FAT3: variants seen among roughly 807,000 people sequenced by gnomAD.
The protein encoded by FAT3 is FAT atypical cadherin 3, also known as protocadherin Fat 3.
Under a neutral mutation model 310.2 loss-of-function variants are expected in FAT3, and 95 were observed. The ratio of observed to expected loss-of-function variants is 0.31; its 90% CI spans 0.26 to 0.36. The LOEUF is 0.36. FAT3 is among the 10% of genes least tolerant of loss of function. FAT3 has a pLI of 1.00. For missense variants in FAT3, 5,408 were observed against 5,715.6 expected (o/e 0.95, Z 1.74); for synonymous variants, 2,314 against 2,192.9 (o/e 1.06, Z -1.54).
At chr11:92,872,846 T>C (rs1949423857) in intron 22 of FAT3, among the ~76,000 whole-genome samples, 2 of 152,242 alleles carry the variant, frequency 1.3e-5, no homozygotes, top group African/African-American at 4.8e-5. Context: ...TCGGAATGAC[T>C]GAAAGTTGAA....
chr11:92,789,796 T>C (rs1012767460), intron 7 of FAT3, 147 bp from the exon 8 acceptor site: 2 of 716,154 alleles, frequency 2.8e-6, no homozygotes, highest in Non-Finnish European at 4.6e-6. Flanking sequence ...AGAATGTTTT[T>C]ATTAGTGAGT....
At chr11:92,631,371 T>C (rs554345) in intron 3 of FAT3, among the ~76,000 whole-genome samples, 87,062 of 151,954 alleles carry the variant, frequency 0.57, 26,699 homozygotes, top group African/African-American at 0.8. Flanking sequence ...GGTTTGGCTG[T>C]GTGTTCCCAC....
At chr11:92,781,116 C>T (rs1396043832) in intron 7 of FAT3, among the ~76,000 whole-genome samples, 3 of 145,632 alleles carry the variant, frequency 2.1e-5, no homozygotes, top group African/African-American at 7.8e-5. Context: ...ACTCTGTCGC[C>T]CAGGCTGGAG....
chr11:92,504,452 A>C (rs1953040618), intron 2 of FAT3, among the ~76,000 whole-genome samples: 2 of 152,146 alleles, frequency 1.3e-5, no homozygotes, highest in Non-Finnish European at 2.9e-5. Flanking sequence ...ACTATTACTT[A>C]GGGGTTTAAT....
At position 92,355,909 on chromosome 11, in the gene FAT3, G is replaced by A. The variant is rs181022661; in HGVS notation, c.3292+505G>A. Among the ~76,000 whole-genome samples the A allele has an allele frequency of 2.1e-3, 315 of 152,190 alleles. 3 individuals are homozygous for A. Among genetic ancestry groups the A allele is most frequent in the African/African-American group, 7.3e-3 (305 of 41,526 alleles). On this transcript the variant is annotated intron_variant, in intron 2 of 27. Coordinates refer to ENST00000525166, the MANE Select transcript of FAT3 (RefSeq NM_001367949.2). ...TGGGTTCATCTGGTCCTTGAATGAT[G>A]GGCATTTGCACTCTGTAGCTCCATT...
rs138675971 is a variant in FAT3, at chr11:92,785,822, C to A, written c.4336-4121C>A. On this transcript the variant is annotated intron_variant, in intron 7 of 27. Coordinates refer to ENST00000525166, the MANE Select transcript of FAT3 (RefSeq NM_001367949.2). The stretch of plus-strand genomic sequence containing the variant: ...TGCAATTAAAAATACTATCCAGTTT[C>A]TATCAGGTGCTATACAGGTTTATTT... Among the ~76,000 whole-genome samples the A allele has an allele frequency of 9.5e-3, 1,441 of 152,194 alleles. 11 individuals carry two copies. The highest frequency in any genetic ancestry group is 0.015 in the Non-Finnish European group (1,050 of 67,976).
chr11:92,448,378 G>T (rs965028412), intron 2 of FAT3, among the ~76,000 whole-genome samples: 1 of 151,982 alleles, frequency 6.6e-6, no homozygotes, highest in African/African-American at 2.4e-5. Context: ...GGTTTTCTGG[G>T]TGCAGACAAA....
At chr11:92,610,851 AT>A (rs1017062842) in intron 3 of FAT3, among the ~76,000 whole-genome samples, 2 of 152,164 alleles carry the variant, frequency 1.3e-5, no homozygotes, top group African/African-American at 4.8e-5. Context: ...GGAAGGGATG[AT>A]TGAGTGCATA....
intron 13 of FAT3, among the ~76,000 whole-genome samples, chr11:92,818,198 A>T (rs1287239092): frequency 6.6e-6 from 1 of 152,212 alleles, no homozygotes; most frequent in African/African-American, 2.4e-5. Context: ...AAGGAAAACA[A>T]ACAAGGAAAA....
intron 2 of FAT3, among the ~76,000 whole-genome samples, chr11:92,440,381 T>C (rs1951039317): frequency 6.6e-6 from 1 of 152,180 alleles, no homozygotes; most frequent in East Asian, 1.9e-4. Context: ...ATCCTGCAGA[T>C]TTATCCCAAC....
At chr11:92,722,637 T>A (rs1003455609) in intron 4 of FAT3, among the ~76,000 whole-genome samples, 1 of 152,192 alleles carries the variant, frequency 6.6e-6, no homozygotes, top group Non-Finnish European at 1.5e-5. Flanking sequence ...GCAGAGGTTC[T>A]CCATGAGAGC....
chr11:92,559,658 G>T (rs1384799684), intron 3 of FAT3: 1 of 168,404 alleles, frequency 5.9e-6, no homozygotes, highest in Non-Finnish European at 1.3e-5. Flanking sequence ...TTACAGGCAT[G>T]AGCCACTGTG....
rs1946259036 is a variant in FAT3 at position 92,764,751 on chromosome 11, C to T, written c.3985-128C>T. 7 of 817,350 alleles carry T rather than the reference C, an allele frequency of 8.6e-6. 1 individual carries two copies. Among genetic ancestry groups the T allele is most frequent in the South Asian group, 5.4e-5 (3 of 55,424 alleles). 50.6% of individuals were successfully genotyped at this position (817,350 alleles called of 1,614,324 possible). A position where few individuals can be genotyped will look rare whatever the true frequency, so the allele number is the denominator to read the frequency against. The stretch of plus-strand genomic sequence containing the variant: ...CAAGTCTTTACTCCCCAGACCTCTG[C>T]TCCTTTCTTCCCCTTGCTGACACTG... On this transcript the variant is annotated intron_variant, in intron 5 of 27. Transcript: ENST00000525166.
chr11:92,303,082 T>C (rs1390255745), intron 1 of FAT3, among the ~76,000 whole-genome samples: 2 of 152,126 alleles, frequency 1.3e-5, no homozygotes, highest in African/African-American at 2.4e-5. Context: ...AGGCACTAAA[T>C]AGTGATGTAT....
At chr11:92,539,713 A>G (rs1954377897) in intron 3 of FAT3, among the ~76,000 whole-genome samples, 1 of 152,222 alleles carries the variant, frequency 6.6e-6, no homozygotes, top group Non-Finnish European at 1.5e-5. Context: ...CAAAGTCAGA[A>G]GAATTATCTG....
At chr11:92,229,991 G>A (rs1023566265) in intron 1 of FAT3, among the ~76,000 whole-genome samples, 3 of 152,082 alleles carry the variant, frequency 2.0e-5, no homozygotes, top group African/African-American at 7.2e-5. Context: ...GAGGGCCACA[G>A]CATTGTCCTT....
intron 21 of FAT3, among the ~76,000 whole-genome samples, chr11:92,864,707 C>T (rs1474145079): frequency 6.6e-6 from 1 of 152,096 alleles, no homozygotes; most frequent in Non-Finnish European, 1.5e-5. Flanking sequence ...ATCCCAGCTA[C>T]TCGGGAGGCT....
chr11:92,444,670 G>GAA (rs376452922), intron 2 of FAT3, among the ~76,000 whole-genome samples: 3 of 131,834 alleles, frequency 2.3e-5, no homozygotes, highest in African/African-American at 5.4e-5. Context: ...GGGGGGGGGG[G>GAA]AAAACATACA....
rs926686654 is a variant in FAT3 at position 92,560,773 on chromosome 11, A to G, written c.3607+35825A>G. 1.2e-4 allele frequency among the ~76,000 whole-genome samples: 19 copies of G among 152,122 alleles called. 1 individual carries two copies. ...TTTTGTTCACTGTAGGTGCTGGCAG[A>G]TCTCTGGTTGGAACTTTGTTGTTAT... On this transcript the variant is annotated intron_variant, in intron 3 of 27. Coordinates refer to ENST00000525166, the MANE Select transcript of FAT3 (RefSeq NM_001367949.2).
Sources: allele counts gnomAD v4.1 joint callset (sites outside exome capture counted in the v4.1 genomes callset), GRCh38; gene constraint gnomAD v4.1.1; transcripts MANE v1.5; gene names NCBI Gene and HGNC (gene_info 2026-07-23, HGNC 2026-07-21).